The following MACF1 variants were observed in gnomAD, a reference collection of about 807,000 sequenced individuals.
MACF1 encodes the protein microtubule actin crosslinking factor 1, also known as microtubule-actin cross-linking factor 1.
Under a neutral mutation model 854.8 loss-of-function variants are expected in MACF1, and 193 were observed. The ratio of observed to expected loss-of-function variants is 0.23; its 90% CI spans 0.20 to 0.25. The LOEUF (loss-of-function observed/expected upper bound fraction) is 0.25. Among genes scored for constraint, MACF1 ranks in the 10% least tolerant of loss-of-function variants. MACF1 has a pLI of 1.00. For synonymous variants in MACF1, 3,185 were observed against 3,226.7 expected, an observed-to-expected ratio of 0.99 and a Z score of 0.44; for missense variants, 7,722 against 8,929.1, an observed-to-expected ratio of 0.86 and a Z score of 5.45.
chr1:39,387,091 T>G, intron 57 of MACF1, 96 bp from the exon 58 acceptor site: 1 of 1,379,390 alleles, frequency 7.2e-7, no homozygotes, highest in East Asian at 2.3e-5. Flanking sequence ...GTAACATTAG[T>G]TCCCTTCCCC....
intron 2 of MACF1, among the ~76,000 whole-genome samples, chr1:39,167,687 C>T (rs1400345341): frequency 6.6e-6 from 1 of 150,906 alleles, no homozygotes; most frequent in East Asian, 2.0e-4. Context: ...GCCTGGGCAA[C>T]AAGAGTGAAA....
chr1:39,086,430 G>T lies in MACF1; in HGVS notation c.220+1992G>T, dbSNP rs186369995. Among the ~76,000 whole-genome samples the T allele has an allele frequency of 7.3e-4, 111 of 152,270 alleles. 1 individual carries two copies. The highest frequency in any genetic ancestry group is 2.6e-3 in the African/African-American group (106 of 41,558). On this transcript the variant is annotated intron_variant, in intron 2 of 93. Transcript: ENST00000361689. Reference sequence around the variant, plus strand: ...AGGAAGTCCTTCTCAAAACCTTTGGGCCTGCAGCATCAGCCAGTAACAGAA... The same window carrying T: ...AGGAAGTCCTTCTCAAAACCTTTGGTCCTGCAGCATCAGCCAGTAACAGAA...
intron 90 of MACF1, 25 bp from the exon 91 acceptor site, chr1:39,459,061 A>C: frequency 6.3e-7 from 1 of 1,599,678 alleles, no homozygotes; most frequent in Non-Finnish European, 8.5e-7. Context: ...AGCTGTTCTA[A>C]TCTTGTGATT....
At chr1:39,325,084 G>T (rs918666409) in intron 35 of MACF1, among the ~76,000 whole-genome samples, 1 of 152,188 alleles carries the variant, frequency 6.6e-6, no homozygotes, top group Non-Finnish European at 1.5e-5. Flanking sequence ...AGATGTTAAG[G>T]ATAATGAATC....
intron 2 of MACF1, among the ~76,000 whole-genome samples, chr1:39,113,421 A>G (rs1642461775): frequency 6.6e-6 from 1 of 152,150 alleles, no homozygotes; most frequent in South Asian, 2.1e-4. Context: ...ATCAACACAA[A>G]CGAATTGTGT....
intron 58 of MACF1, chr1:39,411,886 A>G: frequency 6.2e-7 from 1 of 1,613,884 alleles, no homozygotes; most frequent in Non-Finnish European, 8.5e-7. Context: ...TGGATATTTT[A>G]ATACCCTGGA....
At position 39,459,197 on chromosome 1, in the gene MACF1, T is replaced by C; in HGVS notation, c.21308T>C (p.Leu7103Ser). Residue 7103 changes from leucine (L) to serine (S), a missense_variant, in exon 91 of 101, where the codon TTA becomes TCA. By Grantham distance (145) the Leu-to-Ser change is moderately radical. Around this residue, in one of 15 missense-constraint regions of MACF1, gnomAD observed 729 missense variants for 900.5 expected, o/e 0.81. Coordinates refer to ENST00000564288, the MANE Select transcript of MACF1 (RefSeq NM_001394062.1). ...GCCCGCTGGCAGCAGGTGTGGCTGTTAGCACTGGAGCGGCAAAGGAAACTG... is the reference window on the plus strand; with the variant it reads ...GCCCGCTGGCAGCAGGTGTGGCTGTCAGCACTGGAGCGGCAAAGGAAACTG... The part of the protein sequence containing the change: ...LSARWQQVWL[L>S]ALERQRKLND... 6.2e-7 allele frequency: 1 copy of C among 1,614,088 alleles called. No individual in the cohort carries two copies. The highest frequency in any genetic ancestry group is 8.5e-7 in the Non-Finnish European group (1 of 1,179,998).
chr1:39,122,903 C>T (rs934090780), intron 2 of MACF1, among the ~76,000 whole-genome samples: 10 of 151,974 alleles, frequency 6.6e-5, no homozygotes, highest in East Asian at 1.9e-4. Flanking sequence ...TCATTGTGAA[C>T]GCTGTTAGCT....
intron 10 of MACF1, 46 bp from the exon 11 acceptor site, chr1:39,284,287 G>A (rs748472075): frequency 6.4e-7 from 1 of 1,564,194 alleles, no homozygotes; most frequent in Non-Finnish European, 8.7e-7. Flanking sequence ...GAAAAATTGG[G>A]TCCTATAGTT....
chr1:39,429,872 C>G lies in MACF1; in HGVS notation c.16934C>G (p.Thr5645Ser). ...LIQEKLDGIK[T>S]RYADITVTSS... ...CAGGAAAAACTAGATGGTATAAAGACTCGTTACGCAGACATCACAGTTACT... is the reference window on the plus strand; with the variant it reads ...CAGGAAAAACTAGATGGTATAAAGAGTCGTTACGCAGACATCACAGTTACT... Residue 5645 changes from threonine to serine, a missense_variant, in exon 65 of 101, where the codon ACT becomes AGT. Thr to Ser is a moderately conservative substitution (Grantham distance 58). Transcript: ENST00000564288. 6.2e-7 allele frequency: 1 copy of G among 1,614,044 alleles called. No individual in the cohort carries two copies. The highest frequency in any genetic ancestry group is 8.5e-7 in the Non-Finnish European group (1 of 1,179,954).
At chr1:39,432,115 C>T (rs912436946) in intron 66 of MACF1, among the ~76,000 whole-genome samples, 1 of 152,146 alleles carries the variant, frequency 6.6e-6, no homozygotes, top group Non-Finnish European at 1.5e-5. Context: ...TTCAGCTAAG[C>T]GGGCACTTCC....
chr1:39,399,986 G>A (rs7520599), intron 58 of MACF1, among the ~76,000 whole-genome samples: 7,313 of 152,230 alleles, frequency 0.048, 568 homozygotes, highest in African/African-American at 0.16. Flanking sequence ...ATCCTTGTGT[G>A]TCCTGAAGAA....
chr1:39,384,205 T>C (rs1331854144), intron 56 of MACF1, among the ~76,000 whole-genome samples: 1 of 152,156 alleles, frequency 6.6e-6, no homozygotes, highest in African/African-American at 2.4e-5. Context: ...TCTTCTGCCA[T>C]TTGTCATCCC....
rs764138103 is a variant in MACF1 at position 39,335,412 on chromosome 1, G to A, written c.8824G>A (p.Val2942Met). ...AGAAATAAGAGAAAATCAAGGGGAA[G>A]TGATTTTGGAAGTACAAGAAACATA... ...SEEIRENQGE[V>M]ILEVQETYCE... Residue 2942 changes from valine (V) to methionine (M), a missense_variant, in exon 37 of 101, where the codon GTG becomes ATG. Around this residue, in one of 15 missense-constraint regions of MACF1, gnomAD observed 854 missense variants for 852.6 expected, o/e 1.00. Coordinates refer to ENST00000564288, the MANE Select transcript of MACF1 (RefSeq NM_001394062.1). 2 of 1,614,150 alleles carry A rather than the reference G, an allele frequency of 1.2e-6. No individual in the cohort carries two copies. The highest frequency in any genetic ancestry group is 2.7e-5 in the African/African-American group (2 of 75,058).
chr1:39,178,122 T>G (rs1311570679), intron 2 of MACF1, among the ~76,000 whole-genome samples: 2 of 151,740 alleles, frequency 1.3e-5, no homozygotes, highest in African/African-American at 4.8e-5. Flanking sequence ...GTGTCCTCAG[T>G]AAGCCCATAA....
chr1:39,271,006 G>A (rs1463253701), intron 6 of MACF1, among the ~76,000 whole-genome samples: 1 of 152,158 alleles, frequency 6.6e-6, no homozygotes, highest in South Asian at 2.1e-4. Context: ...TTATGGATGG[G>A]CAAGAGGTTT....
intron 2 of MACF1, among the ~76,000 whole-genome samples, chr1:39,095,005 G>A (rs1641901735): frequency 6.6e-6 from 1 of 152,174 alleles, no homozygotes; most frequent in African/African-American, 2.4e-5. Context: ...TCCCTTGTAT[G>A]CCACCCTTCA....
chr1:39,382,222 G>T, intron 56 of MACF1, 70 bp downstream of exon 56: 1 of 1,375,670 alleles, frequency 7.3e-7, no homozygotes, highest in South Asian at 1.2e-5. Flanking sequence ...CCAGTAAGTA[G>T]ATTTCATGTG....
At chr1:39,381,010 T>C (rs1650138344) in intron 55 of MACF1, among the ~76,000 whole-genome samples, 1 of 152,232 alleles carries the variant, frequency 6.6e-6, no homozygotes, top group South Asian at 2.1e-4. Context: ...ATAAATTGTG[T>C]ACTCATAATA....
Sources: gnomAD v4.1 joint callset for allele counts (sites outside exome capture counted in the v4.1 genomes callset) on GRCh38, gnomAD v4.1.1 for gene constraint, gnomAD v4.1.1 regional missense constraint, MANE v1.5 for transcripts, NCBI Gene and HGNC (gene_info 2026-07-23, HGNC 2026-07-21) for gene names.